Variants in ARK2N observed in about 807,000 individuals in gnomAD.
The protein encoded by ARK2N is protein ARK2N.
At chr18:46,202,812 AAAAAG>A in the ARK2N span, among the ~76,000 whole-genome samples, 2,581 of 151,774 alleles carry the variant, frequency 0.017, 70 homozygotes, top group African/African-American at 0.059. Flanking sequence ...TAAAAAAAAA[AAAAAG>A]AAAGAAAAGA....
At chr18:46,210,212 T>C in the ARK2N span, among the ~76,000 whole-genome samples, 2 of 152,194 alleles carry the variant, frequency 1.3e-5, no homozygotes, top group African/African-American at 4.8e-5. Flanking sequence ...ATGGAGGTTG[T>C]GTCTAGAGTG....
At chr18:46,235,616 T>C in the ARK2N span, among the ~76,000 whole-genome samples, 1 of 152,238 alleles carries the variant, frequency 6.6e-6, no homozygotes, top group East Asian at 1.9e-4. Context: ...TTAACTTGTG[T>C]CTGCTGCCAA....
At chr18:46,260,304 G>T in the ARK2N span, among the ~76,000 whole-genome samples, 1 of 152,186 alleles carries the variant, frequency 6.6e-6, no homozygotes, top group Non-Finnish European at 1.5e-5. Flanking sequence ...ACCTCACAGT[G>T]ATTCTCCCTT....
the ARK2N span, among the ~76,000 whole-genome samples, chr18:46,192,761 G>C: frequency 1.3e-5 from 2 of 151,600 alleles, no homozygotes; most frequent in Admixed American, 1.3e-4. Flanking sequence ...GTTGAGATGG[G>C]GTTTCACTAT....
the ARK2N span, among the ~76,000 whole-genome samples, chr18:46,225,528 G>A: frequency 2.6e-5 from 4 of 151,972 alleles, no homozygotes. Context: ...GCGCGATCTC[G>A]GCCCACTGCA....
At chr18:46,228,808 C>G in the ARK2N span, 1 of 398,478 alleles carries the variant, frequency 2.5e-6, no homozygotes, top group Non-Finnish European at 4.4e-6. Context: ...TGGGCTTAAG[C>G]GATCTGCACA....
At chr18:46,263,632 A>G in the ARK2N span, 1 of 152,908 alleles carries the variant, frequency 6.5e-6, no homozygotes, top group African/African-American at 2.4e-5. Flanking sequence ...TAAAAATAGA[A>G]GACAGAAGTA....
At chr18:46,218,729 C>T in the ARK2N span, 3 of 152,254 alleles carry the variant, frequency 2.0e-5, no homozygotes, top group South Asian at 4.1e-4. Flanking sequence ...AGAGGAGGCA[C>T]GTTCAACCTT....
At chr18:46,236,868 C>CTT in the ARK2N span, among the ~76,000 whole-genome samples, 430 of 138,904 alleles carry the variant, frequency 3.1e-3, 3 homozygotes, top group African/African-American at 0.011. Flanking sequence ...TTGTTTTTTG[C>CTT]TTTTTTTTTT....
the ARK2N span, among the ~76,000 whole-genome samples, chr18:46,204,090 C>T: frequency 2.0e-5 from 3 of 148,932 alleles, no homozygotes; most frequent in Admixed American, 6.7e-5. Flanking sequence ...GTCTTATAGA[C>T]TTATTTTTAT....
chr18:46,178,101 A>G, the ARK2N span, among the ~76,000 whole-genome samples: 1 of 152,092 alleles, frequency 6.6e-6, no homozygotes, highest in Non-Finnish European at 1.5e-5. Flanking sequence ...AGGCTAGGGC[A>G]GCCTAACCAA....
chr18:46,204,932 T>A, the ARK2N span, among the ~76,000 whole-genome samples: 1 of 149,686 alleles, frequency 6.7e-6, no homozygotes, highest in East Asian at 1.9e-4. Context: ...CTTTTTTCTT[T>A]TTTTTTTTAT....
the ARK2N span, among the ~76,000 whole-genome samples, chr18:46,222,414 C>T: frequency 4.6e-5 from 7 of 152,076 alleles, no homozygotes; most frequent in East Asian, 3.8e-4. Context: ...TTCATTTAAG[C>T]GATTATTTGA....
chr18:46,218,059 A>G, the ARK2N span: 1 of 152,358 alleles, frequency 6.6e-6, no homozygotes, highest in African/African-American at 2.4e-5. Context: ...CTTACTAAGC[A>G]GGATTTTATG....
At chr18:46,197,453 C>T in the ARK2N span, among the ~76,000 whole-genome samples, 4 of 152,116 alleles carry the variant, frequency 2.6e-5, no homozygotes, top group African/African-American at 4.8e-5. Flanking sequence ...AGGTTTGTCT[C>T]GAACTCCTGA....
the ARK2N span, among the ~76,000 whole-genome samples, chr18:46,219,452 A>G: frequency 1.0e-3 from 156 of 151,814 alleles, no homozygotes; most frequent in African/African-American, 3.6e-3. Context: ...TTGAGTATCA[A>G]GGCTTTTTAT....
chr18:46,211,505 T>C, the ARK2N span, among the ~76,000 whole-genome samples: 106 of 152,286 alleles, frequency 7.0e-4, no homozygotes, highest in African/African-American at 2.3e-3. Flanking sequence ...TAGAAGTTTA[T>C]ACAACTCTCA....
chr18:46,231,343 T>G, the ARK2N span, among the ~76,000 whole-genome samples: 11 of 152,294 alleles, frequency 7.2e-5, no homozygotes, highest in Admixed American at 5.2e-4. Context: ...TTCAGAATTC[T>G]GAAGTAACTG....
the ARK2N span, among the ~76,000 whole-genome samples, chr18:46,178,071 G>A: frequency 5.3e-5 from 8 of 152,158 alleles, no homozygotes; most frequent in Middle Eastern, 3.2e-3. Context: ...GTTCGAGTTG[G>A]ATTTCCAGGT....
Sources: gnomAD v4.1 joint callset for allele counts (sites outside exome capture counted in the v4.1 genomes callset) on GRCh38, gnomAD v4.1.1 for gene constraint, MANE v1.5 for transcripts, NCBI Gene and HGNC (gene_info 2026-07-23, HGNC 2026-07-21) for gene names.